COLEC12: variants seen among roughly 807,000 people sequenced by gnomAD.
COLEC12 encodes collectin subfamily member 12.
A neutral mutation model predicts 71.1 loss-of-function variants in COLEC12; 33 were observed. The ratio of observed to expected loss-of-function variants is 0.46; its 90% CI spans 0.35 to 0.62. COLEC12 has a LOEUF of 0.62. COLEC12 is among the 20% of genes least tolerant of loss of function. The pLI, the probability that COLEC12 is intolerant of heterozygous loss-of-function variation, is 0.00. For missense variants in COLEC12, 765 were observed against 916.1 expected (o/e 0.84, Z 2.13); for synonymous variants, 350 against 353.0 (o/e 0.99, Z 0.10).
intron 2 of COLEC12, among the ~76,000 whole-genome samples, chr18:370,422 G>A (rs1456388234): frequency 6.6e-6 from 1 of 152,160 alleles, no homozygotes; most frequent in Non-Finnish European, 1.5e-5. Context: ...GCGGCTTTGG[G>A]TGAGGACTTA....
At position 353,988 on chromosome 18, in the gene COLEC12, G is replaced by A. The variant is rs188169306; in HGVS notation, c.181+3412C>T. Among the ~76,000 whole-genome samples, 12 of 152,332 alleles carry A rather than the reference G, an allele frequency of 7.9e-5. No homozygotes were observed. The East Asian group carries it at 2.1e-3, about 27-fold the overall frequency. ...CTTAGCAGCAAAGTAGACTACCAGT[G>A]ACTAGGAATGTTGAATTAAAGGAGA... On this transcript the variant is annotated intron_variant, in intron 3 of 9. Coordinates refer to ENST00000400256, the MANE Select transcript of COLEC12 (RefSeq NM_130386.3).
chr18:437,158 C>T (rs1953602463), intron 2 of COLEC12, among the ~76,000 whole-genome samples: 1 of 152,144 alleles, frequency 6.6e-6, no homozygotes, highest in Non-Finnish European at 1.5e-5. Flanking sequence ...TTACCAGGAC[C>T]CTACATTTTC....
At chr18:363,232 GAA>G (rs1329415019) in intron 2 of COLEC12, among the ~76,000 whole-genome samples, 2 of 150,608 alleles carry the variant, frequency 1.3e-5, no homozygotes, top group Non-Finnish European at 3.0e-5. Flanking sequence ...TCTTTTTGCA[GAA>G]AAAAAAAGAG....
intron 2 of COLEC12, among the ~76,000 whole-genome samples, chr18:373,570 T>C (rs1915048582): frequency 6.6e-6 from 1 of 152,248 alleles, no homozygotes; most frequent in Admixed American, 6.5e-5. Flanking sequence ...AAACTGTGCA[T>C]GGCTTACATT....
intron 2 of COLEC12, among the ~76,000 whole-genome samples, chr18:476,598 C>T (rs1032217212): frequency 3.3e-5 from 5 of 152,200 alleles, no homozygotes; most frequent in African/African-American, 1.2e-4. Flanking sequence ...CGCCCCAGTG[C>T]AGAAAGGGAG....
At chr18:417,560 G>A (rs1165542878) in intron 2 of COLEC12, among the ~76,000 whole-genome samples, 1 of 152,164 alleles carries the variant, frequency 6.6e-6, no homozygotes, top group African/African-American at 2.4e-5. Flanking sequence ...CAACATGCCT[G>A]TCTAGTGACT....
intron 5 of COLEC12, among the ~76,000 whole-genome samples, chr18:343,525 C>T (rs1446655811): frequency 6.6e-6 from 1 of 152,038 alleles, no homozygotes; most frequent in Admixed American, 6.5e-5. Flanking sequence ...CTCGCAGCCC[C>T]CAGAGTGACC....
intron 3 of COLEC12, among the ~76,000 whole-genome samples, chr18:348,555 G>C (rs530917225): frequency 2.8e-4 from 43 of 152,290 alleles, no homozygotes; most frequent in Admixed American, 1.2e-3. Context: ...TCACTCATCA[G>C]CTTCCCTAAC....
chr18:380,996 G>A (rs1915220075), intron 2 of COLEC12, among the ~76,000 whole-genome samples: 3 of 152,228 alleles, frequency 2.0e-5, no homozygotes, highest in South Asian at 2.1e-4. Flanking sequence ...TTCCATAGAT[G>A]TTAATTCCAT....
chr18:354,049 T>C (rs1249725426), intron 3 of COLEC12, among the ~76,000 whole-genome samples: 1 of 152,232 alleles, frequency 6.6e-6, no homozygotes, highest in Non-Finnish European at 1.5e-5. Flanking sequence ...CTGTCTTTTT[T>C]CTTTTTCCTA....
chr18:324,666 T>C (rs1913794199), intron 8 of COLEC12, among the ~76,000 whole-genome samples: 1 of 150,032 alleles, frequency 6.7e-6, no homozygotes, highest in South Asian at 2.1e-4. Context: ...CCATCTCTAC[T>C]AAAAATACAA....
chr18:455,966 G>A (rs771018654), intron 2 of COLEC12, among the ~76,000 whole-genome samples: 32 of 152,158 alleles, frequency 2.1e-4, no homozygotes, highest in Non-Finnish European at 3.1e-4. Flanking sequence ...GCTCAGCACA[G>A]CACACTTTAA....
At chr18:409,778 C>T (rs9965403) in intron 2 of COLEC12, among the ~76,000 whole-genome samples, 2,689 of 152,274 alleles carry the variant, frequency 0.018, 91 homozygotes, top group African/African-American at 0.061. Context: ...GTTATACCTA[C>T]ACTTATACAC....
chr18:401,700 T>G (rs1915690491), intron 2 of COLEC12, among the ~76,000 whole-genome samples: 2 of 152,226 alleles, frequency 1.3e-5, no homozygotes, highest in Admixed American at 6.5e-5. Flanking sequence ...CCCTTGGAGA[T>G]ACTTTAATAC....
intron 1 of COLEC12, among the ~76,000 whole-genome samples, chr18:493,204 A>G (rs1454732391): frequency 6.6e-6 from 1 of 152,160 alleles, no homozygotes; most frequent in Non-Finnish European, 1.5e-5. Flanking sequence ...TCTCCCAAGT[A>G]GCTGGGACTA....
intron 2 of COLEC12, among the ~76,000 whole-genome samples, chr18:385,831 T>C (rs926909220): frequency 5.9e-5 from 9 of 152,122 alleles, no homozygotes; most frequent in African/African-American, 2.2e-4. Context: ...CACAGAAAAT[T>C]AGTAAAATGC....
intron 2 of COLEC12, among the ~76,000 whole-genome samples, chr18:434,815 T>C (rs4798195): frequency 0.87 from 132,276 of 152,158 alleles, 58,302 homozygotes; most frequent in East Asian, 1. Context: ...ATGAAAACAT[T>C]ATTCCCAATG....
At chr18:464,698 G>T (rs1917051894) in intron 2 of COLEC12, among the ~76,000 whole-genome samples, 1 of 152,148 alleles carries the variant, frequency 6.6e-6, no homozygotes, top group Non-Finnish European at 1.5e-5. Flanking sequence ...CATCAATACT[G>T]GTGCTATGTC....
chr18:493,919 G>A lies in COLEC12; in HGVS notation c.7+6589C>T, dbSNP rs149551703. ...TGTCATATCCTTACTGGATAAAACC[G>A]GACACTGGATTTGAAACACAGATCT... is the stretch of plus-strand genomic sequence containing the variant. On this transcript the variant is annotated intron_variant, in intron 1 of 9. Transcript: ENST00000400256. 3.3e-5 allele frequency among the ~76,000 whole-genome samples: 5 copies of A among 151,902 alleles called. No individual in the cohort carries two copies. In the East Asian group the frequency reaches 9.6e-4, roughly 29 times the overall value.
Sources: gnomAD v4.1 joint callset for allele counts (sites outside exome capture counted in the v4.1 genomes callset) on GRCh38, gnomAD v4.1.1 for gene constraint, MANE v1.5 for transcripts, NCBI Gene and HGNC (gene_info 2026-07-23, HGNC 2026-07-21) for gene names.